ASTN1: variants seen among roughly 807,000 people sequenced by gnomAD.
ASTN1 encodes the protein astrotactin 1.
Under a neutral mutation model 140.7 loss-of-function variants are expected in ASTN1, and 41 were observed. The ratio of observed to expected loss-of-function variants is 0.29; its 90% confidence interval spans 0.23 to 0.38. The LOEUF is 0.38. Ranked by LOEUF, ASTN1 falls within the 10% of genes least tolerant of loss-of-function variation. ASTN1 has a pLI of 1.00. For missense variants in ASTN1, 1,479 were observed against 1,678.8 expected (o/e 0.88, Z 2.08); for synonymous variants, 640 against 652.2 (o/e 0.98, Z 0.29).
chr1:177,115,275 C>T (rs1681026759), intron 1 of ASTN1, among the ~76,000 whole-genome samples: 1 of 152,162 alleles, frequency 6.6e-6, no homozygotes, highest in South Asian at 2.1e-4. Context: ...CCCCTCCAAA[C>T]TCAGACCCTA....
At chr1:176,905,260 G>T (rs1669935884) in intron 16 of ASTN1, among the ~76,000 whole-genome samples, 1 of 152,150 alleles carries the variant, frequency 6.6e-6, no homozygotes, top group Non-Finnish European at 1.5e-5. Context: ...CTGTGTGAGG[G>T]TGCCTGATAT....
intron 2 of ASTN1, among the ~76,000 whole-genome samples, chr1:177,049,952 C>A (rs1294827107): frequency 6.6e-6 from 1 of 152,132 alleles, no homozygotes; most frequent in Non-Finnish European, 1.5e-5. Context: ...GGGATAATGA[C>A]TGGGATGTAT....
At chr1:176,905,843 G>A (rs1669971322) in intron 16 of ASTN1, among the ~76,000 whole-genome samples, 1 of 152,122 alleles carries the variant, frequency 6.6e-6, no homozygotes, top group South Asian at 2.1e-4. Flanking sequence ...TACGAGATGT[G>A]GTTTCACCCA....
intron 18 of ASTN1, among the ~76,000 whole-genome samples, chr1:176,884,870 G>T (rs943769584): frequency 2.0e-5 from 3 of 152,172 alleles, no homozygotes; most frequent in African/African-American, 7.2e-5. Flanking sequence ...AAGAGAGTGT[G>T]TGTATACTGC....
intron 9 of ASTN1, among the ~76,000 whole-genome samples, chr1:176,964,300 C>A (rs1672782631): frequency 6.6e-6 from 1 of 152,154 alleles, no homozygotes; most frequent in Non-Finnish European, 1.5e-5. Context: ...CTGAATTCAT[C>A]AGCCGCTTAT....
chr1:177,015,071 C>T (rs529935499), intron 7 of ASTN1, among the ~76,000 whole-genome samples, 196 bp from the exon 8 acceptor site: 2 of 152,276 alleles, frequency 1.3e-5, no homozygotes, highest in African/African-American at 4.8e-5. Flanking sequence ...CCAATCTCTC[C>T]CTTCTCCAGT....
chr1:176,924,524 T>C (rs574710001), intron 16 of ASTN1, among the ~76,000 whole-genome samples: 1 of 152,330 alleles, frequency 6.6e-6, no homozygotes, highest in Non-Finnish European at 1.5e-5. Flanking sequence ...ATTTATTTGT[T>C]ACTTGACATT....
At chr1:176,984,892 A>G (rs1285140865) in intron 8 of ASTN1, among the ~76,000 whole-genome samples, 1 of 152,136 alleles carries the variant, frequency 6.6e-6, no homozygotes. Flanking sequence ...AATGTTCTCC[A>G]GTTGTCACTG....
chr1:176,936,290 G>C lies in ASTN1; in HGVS notation c.2458C>G (p.Leu820Val). 6.2e-7 allele frequency: 1 copy of C among 1,614,072 alleles called. No individual in the cohort carries two copies. Among genetic ancestry groups the C allele is most frequent in the Non-Finnish European group, 8.5e-7 (1 of 1,179,940 alleles). ...CCCTGAGAGATGGCCACTTGGTTGA[G>C]TTTGATGTGGTACATCACAGACCGG... The part of the protein sequence containing the change: ...KVRSVMYHIK[L>V]NQVAISQALS... Residue 820 changes from leucine (L) to valine (V), a missense_variant, in exon 15 of 23, where the codon CTC (leucine) becomes GTC (valine). This residue lies in a region of ASTN1 where 746 missense variants were observed against 800.9 expected (regional missense o/e 0.93). Transcript: ENST00000361833.
intron 1 of ASTN1, among the ~76,000 whole-genome samples, chr1:177,072,029 G>T (rs1408386989): frequency 6.6e-6 from 1 of 152,046 alleles, no homozygotes; most frequent in Admixed American, 6.6e-5. Flanking sequence ...GGCCAATGAG[G>T]GTAAGTGACA....
intron 18 of ASTN1, among the ~76,000 whole-genome samples, chr1:176,885,307 C>T (rs1188040919): frequency 6.6e-6 from 1 of 152,190 alleles, no homozygotes; most frequent in Non-Finnish European, 1.5e-5. Flanking sequence ...CTTGCCTTGC[C>T]AGCTCATACC....
At chr1:177,011,203 C>G (rs1462859628) in intron 8 of ASTN1, among the ~76,000 whole-genome samples, 1 of 152,176 alleles carries the variant, frequency 6.6e-6, no homozygotes, top group Non-Finnish European at 1.5e-5. Flanking sequence ...TTAGAATGAT[C>G]TTTGTTATCT....
chr1:176,896,019 G>T (rs1669486534), intron 16 of ASTN1, among the ~76,000 whole-genome samples: 1 of 152,144 alleles, frequency 6.6e-6, no homozygotes, highest in Non-Finnish European at 1.5e-5. Flanking sequence ...TGGTTGGAAG[G>T]ATTTTTAAAG....
At chr1:177,133,952 G>T (rs961371593) in intron 1 of ASTN1, among the ~76,000 whole-genome samples, 1 of 152,148 alleles carries the variant, frequency 6.6e-6, no homozygotes, top group Non-Finnish European at 1.5e-5. Flanking sequence ...CAGATGCTAA[G>T]GAAACAAAAT....
At chr1:177,017,787 C>T (rs1675632650) in intron 7 of ASTN1, among the ~76,000 whole-genome samples, 1 of 152,170 alleles carries the variant, frequency 6.6e-6, no homozygotes, top group Non-Finnish European at 1.5e-5. Context: ...GAGACAGCTG[C>T]ACTTGATCTG....
intron 1 of ASTN1, among the ~76,000 whole-genome samples, chr1:177,096,924 G>C (rs1311474113): frequency 6.6e-6 from 1 of 152,106 alleles, no homozygotes; most frequent in East Asian, 1.9e-4. Context: ...GTCATGTGAA[G>C]ACACAGCATG....
intron 1 of ASTN1, among the ~76,000 whole-genome samples, chr1:177,163,223 G>C (rs1647490927): frequency 6.6e-6 from 1 of 152,154 alleles, no homozygotes; most frequent in Non-Finnish European, 1.5e-5. Context: ...CAGCCTCCTA[G>C]ACATTTTCTT....
chr1:176,916,247 T>A (rs1571504505), intron 16 of ASTN1, among the ~76,000 whole-genome samples: 1 of 152,192 alleles, frequency 6.6e-6, no homozygotes, highest in African/African-American at 2.4e-5. Flanking sequence ...AGGATGCAGA[T>A]GAGTATGTAG....
chr1:177,081,092 G>A (rs541409438), intron 1 of ASTN1, among the ~76,000 whole-genome samples: 20 of 152,194 alleles, frequency 1.3e-4, no homozygotes, highest in African/African-American at 4.6e-4. Context: ...ATTTCAACCT[G>A]AAAACAAGGT....
Sources: allele counts gnomAD v4.1 joint callset (sites outside exome capture counted in the v4.1 genomes callset), GRCh38; gene constraint gnomAD v4.1.1; regional missense constraint gnomAD v4.1.1; transcripts MANE v1.5; gene names NCBI Gene and HGNC (gene_info 2026-07-23, HGNC 2026-07-21).